Variants in KATNBL1 observed in about 807,000 individuals in gnomAD.
The protein encoded by KATNBL1 is katanin regulatory subunit B1 like 1.
KATNBL1 carries 28 observed loss-of-function variants against 44.7 expected under a neutral mutation model. The observed-to-expected ratio is 0.63, with a 90% confidence interval of 0.46 to 0.86. The LOEUF (loss-of-function observed/expected upper bound fraction) is 0.86, where lower values mean the gene tolerates loss of function less well. KATNBL1 is among the 40% of genes least tolerant of loss of function. The probability of loss-of-function intolerance (pLI) is 0.00; values close to 1 mark genes in which losing one functional copy is unlikely to be tolerated. For synonymous variants in KATNBL1, 78 were observed against 114.9 expected (o/e 0.68, Z 2.06); for missense variants, 272 against 350.7 (o/e 0.78, Z 1.79).
chr15:34,151,436 C>CCTTT (rs1888471945), intron 4 of KATNBL1, among the ~76,000 whole-genome samples: 1 of 60,678 alleles, frequency 1.6e-5, no homozygotes. Flanking sequence ...CCTTTGCCTA[C>CCTTT]TTTTTTTTTT....
At chr15:34,188,006 G>T (rs1012793585) in intron 1 of KATNBL1, among the ~76,000 whole-genome samples, 2 of 151,504 alleles carry the variant, frequency 1.3e-5, no homozygotes, top group African/African-American at 2.4e-5. Context: ...AGGTGTGGTA[G>T]CAAGTGCCTG....
At position 34,210,054 on chromosome 15, in the gene KATNBL1, G is replaced by C. The variant is rs955685535; in HGVS notation, c.-118C>G. The stretch of plus-strand genomic sequence containing the variant: ...GGCTTCTGGGCCGAGTCCCACTCAG[G>C]GCCATTCAAACGCGGCCGCGCGCGC... On this transcript the variant is annotated 5_prime_UTR_variant, in exon 1 of 10. Transcript: ENST00000256544. 1 of 151,806 alleles carries C rather than the reference G, an allele frequency of 6.6e-6. No homozygotes were observed. The highest frequency in any genetic ancestry group is 1.5e-5 in the Non-Finnish European group (1 of 67,870). The allele number at this position is 151,806 out of a possible 1,614,324, so 9.4% of individuals were successfully genotyped here.
intron 1 of KATNBL1, among the ~76,000 whole-genome samples, chr15:34,186,593 T>C (rs1207944208): frequency 6.6e-6 from 1 of 152,194 alleles, no homozygotes; most frequent in Non-Finnish European, 1.5e-5. Context: ...AGCTCCCCTG[T>C]GCAGCTGTGG....
chr15:34,206,177 A>G (rs1231447476), intron 1 of KATNBL1, among the ~76,000 whole-genome samples: 2 of 152,316 alleles, frequency 1.3e-5, no homozygotes, highest in Admixed American at 6.5e-5. Flanking sequence ...GCATCTTAAG[A>G]GTATGCTAGT....
chr15:34,174,560 C>T (rs146953891), intron 1 of KATNBL1, among the ~76,000 whole-genome samples: 6 of 152,176 alleles, frequency 3.9e-5, no homozygotes, highest in Non-Finnish European at 8.8e-5. Context: ...AATTCAGAAA[C>T]ATGACCTAAT....
At chr15:34,164,238 TA>T (rs1426249249) in intron 1 of KATNBL1, among the ~76,000 whole-genome samples, 3 of 152,216 alleles carry the variant, frequency 2.0e-5, no homozygotes, top group Non-Finnish European at 2.9e-5. Flanking sequence ...ATATTGTATG[TA>T]TTTTTTTGTG....
chr15:34,174,546 A>C (rs1889264480), intron 1 of KATNBL1, among the ~76,000 whole-genome samples: 2 of 152,242 alleles, frequency 1.3e-5, no homozygotes, highest in African/African-American at 4.8e-5. Context: ...AGATTGATGG[A>C]GTAAATTCAG....
At chr15:34,169,949 A>G (rs1291406575) in intron 1 of KATNBL1, among the ~76,000 whole-genome samples, 5 of 152,232 alleles carry the variant, frequency 3.3e-5, no homozygotes, top group African/African-American at 4.8e-5. Context: ...CAAAATAATA[A>G]GAGCTATTTA....
chr15:34,163,525 T>A (rs76821863), intron 2 of KATNBL1, 35 bp downstream of exon 2: 2 of 1,571,024 alleles, frequency 1.3e-6, no homozygotes, highest in South Asian at 2.4e-5. Context: ...ACCGTTTAAA[T>A]TGTCTTATCT....
chr15:34,163,335 T>A (rs899583499), intron 2 of KATNBL1, among the ~76,000 whole-genome samples: 4 of 152,144 alleles, frequency 2.6e-5, no homozygotes, highest in Non-Finnish European at 5.9e-5. Flanking sequence ...TAAGCCACCA[T>A]GCCCAGCCCG....
intron 1 of KATNBL1, among the ~76,000 whole-genome samples, chr15:34,190,091 C>T (rs185153562): frequency 2.3e-3 from 347 of 152,174 alleles, no homozygotes; most frequent in African/African-American, 8.1e-3. Context: ...ACTACAGGCG[C>T]CCGCCACCAC....
chr15:34,150,969 C>G (rs1159127923), intron 4 of KATNBL1, among the ~76,000 whole-genome samples: 2 of 152,134 alleles, frequency 1.3e-5, no homozygotes, highest in African/African-American at 4.8e-5. Flanking sequence ...TATAGTATTC[C>G]ATGGTGTATA....
intron 9 of KATNBL1, among the ~76,000 whole-genome samples, chr15:34,144,048 C>T (rs1888237182): frequency 7.1e-6 from 1 of 141,410 alleles, no homozygotes. Flanking sequence ...TATCATTTTG[C>T]TTCTTTTTTT....
At chr15:34,161,629 T>G (rs772363986) in intron 2 of KATNBL1, among the ~76,000 whole-genome samples, 3 of 152,162 alleles carry the variant, frequency 2.0e-5, no homozygotes, top group Non-Finnish European at 2.9e-5. Flanking sequence ...GCTATGTTGT[T>G]CCCCTATTGG....
intron 2 of KATNBL1, among the ~76,000 whole-genome samples, chr15:34,159,694 G>A (rs1888740161): frequency 6.6e-6 from 1 of 152,120 alleles, no homozygotes; most frequent in South Asian, 2.1e-4. Context: ...GTCTGTGGTG[G>A]TGAGCAAGTT....
chr15:34,206,776 A>G (rs917858549), intron 1 of KATNBL1, among the ~76,000 whole-genome samples: 1 of 151,578 alleles, frequency 6.6e-6, no homozygotes, highest in African/African-American at 2.4e-5. Flanking sequence ...GGGAGACAAG[A>G]GCAAGACTCC....
At chr15:34,167,510 A>G (rs1889016811) in intron 1 of KATNBL1, among the ~76,000 whole-genome samples, 1 of 152,210 alleles carries the variant, frequency 6.6e-6, no homozygotes, top group Admixed American at 6.5e-5. Flanking sequence ...GCAACCAGTC[A>G]GAAAACACTC....
In KATNBL1 at chr15:34,146,750, G is replaced by C; in HGVS notation, c.788+11C>G. On this transcript the variant is annotated intron_variant, in intron 8 of 9. Coordinates refer to ENST00000256544, the MANE Select transcript of KATNBL1 (RefSeq NM_024713.3). ...ATTTCAGCATGAGTTTATCTTTAAA[G>C]GTATACTCACCCATCATTTATAATT... The C allele has an allele frequency of 2.0e-6, 3 of 1,488,298 alleles. No homozygotes were observed. Among genetic ancestry groups the C allele is most frequent in the Non-Finnish European group, 1.9e-6 (2 of 1,066,548 alleles). 92.2% of individuals were successfully genotyped at this position (1,488,298 alleles called of 1,614,324 possible).
At chr15:34,148,498 G>A in intron 5 of KATNBL1, 134 bp downstream of exon 5, 1 of 566,932 alleles carries the variant, frequency 1.8e-6, no homozygotes, top group Non-Finnish European at 3.3e-6. Flanking sequence ...TGAGGTGGGA[G>A]GGCTGCTTGA....
Sources: gnomAD v4.1 joint callset for allele counts (sites outside exome capture counted in the v4.1 genomes callset) on GRCh38, gnomAD v4.1.1 for gene constraint, MANE v1.5 for transcripts, NCBI Gene and HGNC (gene_info 2026-07-23, HGNC 2026-07-21) for gene names.